OXR1: variants seen among roughly 807,000 people sequenced by gnomAD.
OXR1 encodes the protein oxidation resistance protein 1.
Under a neutral mutation model 104.6 loss-of-function variants are expected in OXR1, and 41 were observed. The ratio of observed to expected loss-of-function variants is 0.39; its 90% CI spans 0.31 to 0.51. OXR1 has a LOEUF of 0.51. OXR1 is among the 20% of genes least tolerant of loss of function. OXR1 has a pLI of 0.77. For synonymous variants in OXR1, 348 were observed against 348.4 expected, an observed-to-expected ratio of 1.00 and a Z score of 0.01; for missense variants, 955 against 1,031.9, an observed-to-expected ratio of 0.93 and a Z score of 1.02.
chr8:106,564,609 G>A (rs550730473), intron 3 of OXR1, among the ~76,000 whole-genome samples: 4 of 152,258 alleles, frequency 2.6e-5, no homozygotes, highest in South Asian at 2.1e-4. Context: ...TAGAAAAAGA[G>A]GGACTCCTCC....
At chr8:106,466,947 A>G (rs1206242854) in intron 2 of OXR1, among the ~76,000 whole-genome samples, 3 of 151,956 alleles carry the variant, frequency 2.0e-5, no homozygotes, top group African/African-American at 7.2e-5. Flanking sequence ...TACTTACAAC[A>G]TACCTGATAT....
intron 1 of OXR1, among the ~76,000 whole-genome samples, chr8:106,351,783 G>A (rs117652930): frequency 2.7e-4 from 41 of 152,240 alleles, no homozygotes; most frequent in Middle Eastern, 6.8e-3. Context: ...CATGATTGTC[G>A]TCATCATCAT....
chr8:106,714,684 T>C (rs1005554642), intron 11 of OXR1, among the ~76,000 whole-genome samples: 3 of 152,154 alleles, frequency 2.0e-5, no homozygotes, highest in African/African-American at 7.2e-5. Context: ...TATCTGTTGG[T>C]GTTGCCTAGA....
chr8:106,581,907 C>G (rs1818248080), intron 3 of OXR1, among the ~76,000 whole-genome samples: 1 of 150,614 alleles, frequency 6.6e-6, no homozygotes, highest in South Asian at 2.1e-4. Context: ...GCTTGTAATC[C>G]CAGCTACTAG....
chr8:106,494,613 G>A (rs1241250146), intron 2 of OXR1, among the ~76,000 whole-genome samples: 1 of 152,122 alleles, frequency 6.6e-6, no homozygotes, highest in Non-Finnish European at 1.5e-5. Flanking sequence ...AATAAATATT[G>A]AATACCTACT....
At chr8:106,732,242 T>C (rs988973328) in intron 11 of OXR1, among the ~76,000 whole-genome samples, 4 of 152,152 alleles carry the variant, frequency 2.6e-5, no homozygotes, top group Non-Finnish European at 5.9e-5. Context: ...AAGCCTGCCA[T>C]GATCACTTAT....
chr8:106,730,847 G>C (rs1226714525), intron 11 of OXR1, among the ~76,000 whole-genome samples: 1 of 151,076 alleles, frequency 6.6e-6, no homozygotes, highest in Admixed American at 6.6e-5. Flanking sequence ...AGGAGTTTGC[G>C]ATCAGCCAGG....
At chr8:106,551,538 T>C (rs1815803991) in intron 3 of OXR1, among the ~76,000 whole-genome samples, 1 of 152,126 alleles carries the variant, frequency 6.6e-6, no homozygotes, top group Non-Finnish European at 1.5e-5. Context: ...TTTCAAATGC[T>C]GAAGGCAAGT....
intron 3 of OXR1, among the ~76,000 whole-genome samples, chr8:106,520,802 A>G (rs75395758): frequency 0.014 from 2,153 of 152,252 alleles, 45 homozygotes; most frequent in African/African-American, 0.049. Context: ...AAAAGACACA[A>G]TTAGTATTTT....
chr8:106,282,982 GA>G (rs1812349975), intron 1 of OXR1, among the ~76,000 whole-genome samples: 1 of 152,158 alleles, frequency 6.6e-6, no homozygotes. Flanking sequence ...CTCCCAGAGG[GA>G]TTCGTAGATG....
intron 2 of OXR1, among the ~76,000 whole-genome samples, chr8:106,504,881 T>C (rs1413170142): frequency 1.3e-5 from 2 of 152,244 alleles, no homozygotes; most frequent in African/African-American, 4.8e-5. Context: ...AATATATTGC[T>C]TTTCTGCATT....
At chr8:106,382,030 A>C (rs1317128555) in intron 2 of OXR1, among the ~76,000 whole-genome samples, 1 of 152,204 alleles carries the variant, frequency 6.6e-6, no homozygotes, top group Non-Finnish European at 1.5e-5. Context: ...TCTGTGGTTT[A>C]TATATGAAGC....
At chr8:106,396,155 A>G (rs1386417914) in intron 2 of OXR1, among the ~76,000 whole-genome samples, 1 of 152,166 alleles carries the variant, frequency 6.6e-6, no homozygotes, top group Admixed American at 6.6e-5. Flanking sequence ...ACTTTGAACA[A>G]TTCCAAATAC....
chr8:106,652,490 A>G (rs1824671778), intron 3 of OXR1, among the ~76,000 whole-genome samples: 1 of 151,266 alleles, frequency 6.6e-6, no homozygotes, highest in Non-Finnish European at 1.5e-5. Context: ...ATTCACAAAC[A>G]TGTGGAAATT....
intron 2 of OXR1, among the ~76,000 whole-genome samples, chr8:106,455,981 C>T (rs747327118): frequency 5.9e-5 from 9 of 152,114 alleles, no homozygotes; most frequent in Non-Finnish European, 1.3e-4. Context: ...TAGTTTTTCA[C>T]TATTAAATTC....
intron 2 of OXR1, among the ~76,000 whole-genome samples, chr8:106,387,556 T>C (rs535834311): frequency 3.9e-4 from 59 of 152,350 alleles, no homozygotes; most frequent in South Asian, 1.4e-3. Flanking sequence ...TATAAATCTT[T>C]ATAAAAGTGA....
chr8:106,335,914 G>A (rs1270030620), intron 1 of OXR1, among the ~76,000 whole-genome samples: 1 of 152,010 alleles, frequency 6.6e-6, no homozygotes, highest in Admixed American at 6.6e-5. Context: ...TGGCCAACAT[G>A]GCAAAACACT....
At chr8:106,527,561 A>T (rs969003454) in intron 3 of OXR1, among the ~76,000 whole-genome samples, 3 of 152,196 alleles carry the variant, frequency 2.0e-5, no homozygotes, top group African/African-American at 4.8e-5. Flanking sequence ...TCCTGCCTAG[A>T]ATAGTGATAC....
At chr8:106,307,190 G>T (rs1036857172) in intron 1 of OXR1, among the ~76,000 whole-genome samples, 4 of 152,172 alleles carry the variant, frequency 2.6e-5, no homozygotes, top group African/African-American at 9.7e-5. Context: ...GTTGCTTCCT[G>T]GGAATGGTAT....
Sources: allele counts gnomAD v4.1 joint callset (sites outside exome capture counted in the v4.1 genomes callset), GRCh38; gene constraint gnomAD v4.1.1; transcripts MANE v1.5; gene names NCBI Gene and HGNC (gene_info 2026-07-23, HGNC 2026-07-21).